ITPR1: variants seen among roughly 807,000 people sequenced by gnomAD.
ITPR1 encodes inositol 1,4,5-trisphosphate-gated calcium channel ITPR1.
A neutral mutation model predicts 318.4 loss-of-function variants in ITPR1; 96 were observed. That is an observed-to-expected ratio of 0.30 (90% CI 0.26 to 0.36). ITPR1 has a LOEUF of 0.36. ITPR1 is among the 10% of genes least tolerant of loss of function. The pLI is 1.00. For synonymous variants in ITPR1, 1,312 were observed against 1,289.9 expected (o/e 1.02, Z -0.37); for missense variants, 2,440 against 3,460.2 (o/e 0.71, Z 7.40).
intron 10 of ITPR1, among the ~76,000 whole-genome samples, chr3:4,648,717 C>T (rs988119784): frequency 3.9e-5 from 6 of 151,938 alleles, no homozygotes; most frequent in Non-Finnish European, 5.9e-5. Flanking sequence ...GGCTGAGGCA[C>T]GAGAATCACT....
Position 4,669,732 on chromosome 3 carries a change from T to G in ITPR1, c.1965T>G (p.Ala655=), listed in dbSNP as rs1225764181. ...IPVTQELICK[A]VLNPTNADIL... is the part of the protein sequence containing the mutation. ...TGACCCAGGAACTGATATGTAAAGC[T>G]GTGCTGAACCCCACCAACGCTGACA... is the stretch of plus-strand genomic sequence containing the variant. The change falls in exon 19 of 62, where the codon GCT becomes GCG. Residue 655 remains alanine (A), a synonymous_variant. Coordinates refer to ENST00000649015, the MANE Select transcript of ITPR1 (RefSeq NM_001378452.1). 1.2e-6 allele frequency: 2 copies of G among 1,613,258 alleles called. No individual in the cohort carries two copies. Among genetic ancestry groups the G allele is most frequent in the African/African-American group, 2.7e-5 (2 of 74,930 alleles).
At position 4,811,343 on chromosome 3, in the gene ITPR1, C is replaced by T; in HGVS notation, c.7351C>T (p.Leu2451=). The T allele has an allele frequency of 6.2e-7, 1 of 1,613,824 alleles. No homozygotes were observed. The highest frequency in any genetic ancestry group is 8.5e-7 in the Non-Finnish European group (1 of 1,179,746). ...SVTRNGRSII[L]TAVLALILVY... Reference sequence around the variant, plus strand: ...CACTCGCAATGGACGGTCCATCATCCTGACAGCAGTTCTGGCTCTGATCCT... The same window carrying T: ...CACTCGCAATGGACGGTCCATCATCTTGACAGCAGTTCTGGCTCTGATCCT... The change falls in exon 56 of 62, where the codon CTG becomes TTG. Residue 2451 remains leucine (L), a synonymous_variant. Transcript: ENST00000649015.
At chr3:4,672,978 C>G (rs987273985) in intron 20 of ITPR1, among the ~76,000 whole-genome samples, 158 bp from the exon 21 acceptor site, 18 of 152,128 alleles carry the variant, frequency 1.2e-4, no homozygotes, top group African/African-American at 4.3e-4. Flanking sequence ...GGTACCAAAG[C>G]CAAAATCCTG....
intron 44 of ITPR1, among the ~76,000 whole-genome samples, chr3:4,736,173 A>G (rs2043254580): frequency 6.6e-6 from 1 of 151,758 alleles, no homozygotes; most frequent in African/African-American, 2.4e-5. Context: ...ATCTATGTAC[A>G]GACTCGTGTA....
At chr3:4,790,254 C>T (rs2047470225) in intron 52 of ITPR1, among the ~76,000 whole-genome samples, 1 of 152,196 alleles carries the variant, frequency 6.6e-6, no homozygotes, top group South Asian at 2.1e-4. Flanking sequence ...CCCCAACAGG[C>T]TCCATGGCCC....
intron 4 of ITPR1, among the ~76,000 whole-genome samples, chr3:4,541,851 C>A (rs1332525371): frequency 6.6e-6 from 1 of 152,116 alleles, no homozygotes; most frequent in African/African-American, 2.4e-5. Context: ...GTCTCAATCT[C>A]TTGACCTGAT....
rs1574918463 is a variant in ITPR1 at position 4,699,625 on chromosome 3, C to A, written c.4408-188C>A. 2.0e-5 allele frequency among the ~76,000 whole-genome samples: 3 copies of A among 152,150 alleles called. No homozygotes were observed. The East Asian group carries it at 5.8e-4, about 29-fold the overall frequency. ...GTTTGTGATTTTGCATCATGATATC[C>A]AAGCTGATCTGCTTCTCTTTTTTTC... On this transcript the variant is annotated intron_variant, in intron 34 of 61. Transcript: ENST00000649015.
intron 44 of ITPR1, among the ~76,000 whole-genome samples, chr3:4,755,165 T>C (rs77506163): frequency 0.052 from 5,283 of 101,228 alleles, 417 homozygotes; most frequent in East Asian, 0.38. Context: ...CGATAATACC[T>C]TTAATTTTTT....
In ITPR1 at chr3:4,691,194, T is replaced by C. The variant is rs1443952154; in HGVS notation, c.3879T>C (p.Leu1293=). Residue 1293 remains leucine (L), a synonymous_variant, in exon 32 of 62, where the codon CTT becomes CTC. Coordinates refer to ENST00000649015, the MANE Select transcript of ITPR1 (RefSeq NM_001378452.1). Reference sequence around the variant, plus strand: ...ACATCTTCATGAACAATTTCCAGCTTTGCAGTGAGATCAACGAGAGAGTTG... The same window carrying C: ...ACATCTTCATGAACAATTTCCAGCTCTGCAGTGAGATCAACGAGAGAGTTG... The part of the protein sequence containing the change: ...MQHIFMNNFQ[L]CSEINERVVQ... 1.9e-6 allele frequency: 3 copies of C among 1,613,278 alleles called. No homozygotes were observed. The South Asian group carries it at 3.3e-5, about 18-fold the overall frequency.
intron 4 of ITPR1, among the ~76,000 whole-genome samples, chr3:4,604,533 A>G (rs1278434775): frequency 6.6e-6 from 1 of 152,196 alleles, no homozygotes; most frequent in Non-Finnish European, 1.5e-5. Flanking sequence ...GAGATGAGCT[A>G]TCTGGCTGCA....
At chr3:4,615,373 CTTT>C (rs11330102) in intron 4 of ITPR1, among the ~76,000 whole-genome samples, 39 of 122,822 alleles carry the variant, frequency 3.2e-4, no homozygotes, top group African/African-American at 1.0e-3. Context: ...TGATTTCTTT[CTTT>C]TTTTTTTTTT....
At chr3:4,497,527 G>A (rs1186462810) in intron 2 of ITPR1, among the ~76,000 whole-genome samples, 1 of 152,156 alleles carries the variant, frequency 6.6e-6, no homozygotes, top group Non-Finnish European at 1.5e-5. Context: ...GGTAGTAAAA[G>A]CTATGGAGAA....
chr3:4,516,328 T>C, intron 2 of ITPR1, 148 bp from the exon 3 acceptor site: 2 of 525,812 alleles, frequency 3.8e-6, no homozygotes, highest in Non-Finnish European at 6.6e-6. Context: ...CTTGGCTCAT[T>C]GAATCGCCTG....
intron 4 of ITPR1, among the ~76,000 whole-genome samples, chr3:4,536,478 T>C (rs1350037662): frequency 6.6e-6 from 1 of 152,196 alleles, no homozygotes; most frequent in African/African-American, 2.4e-5. Flanking sequence ...GGTCATTGGA[T>C]TGTGCAAGCT....
intron 61 of ITPR1, among the ~76,000 whole-genome samples, chr3:4,840,029 CTTTT>C (rs56096727): frequency 3.8e-5 from 4 of 104,904 alleles, no homozygotes; most frequent in African/African-American, 8.0e-5. Flanking sequence ...AGCATAGCTG[CTTTT>C]TTTTTTTTTT....
intron 54 of ITPR1, among the ~76,000 whole-genome samples, chr3:4,805,251 C>T (rs2048483591): frequency 6.6e-6 from 1 of 152,160 alleles, no homozygotes; most frequent in Admixed American, 6.5e-5. Flanking sequence ...GGCTCTGTGT[C>T]CCCAGTGCTG....
chr3:4,569,893 C>T (rs939135266), intron 4 of ITPR1, among the ~76,000 whole-genome samples: 5 of 152,054 alleles, frequency 3.3e-5, no homozygotes, highest in Non-Finnish European at 1.5e-5. Context: ...CTATTAAAGA[C>T]CTAAGACAAT....
intron 55 of ITPR1, among the ~76,000 whole-genome samples, chr3:4,807,102 AGAG>A (rs1559930324): frequency 4.3e-5 from 2 of 46,748 alleles, no homozygotes; most frequent in South Asian, 1.5e-3. Context: ...GCTTACAAAG[AGAG>A]GGGGGCTTAC....
intron 5 of ITPR1, among the ~76,000 whole-genome samples, chr3:4,634,066 A>G (rs1234704983): frequency 6.6e-6 from 1 of 152,220 alleles, no homozygotes. Context: ...AACATGGTGA[A>G]TAATAGTGGT....
Sources: gnomAD v4.1 joint callset for allele counts (sites outside exome capture counted in the v4.1 genomes callset) on GRCh38, gnomAD v4.1.1 for gene constraint, MANE v1.5 for transcripts, NCBI Gene and HGNC (gene_info 2026-07-23, HGNC 2026-07-21) for gene names.